Variants in SPATC1L observed in about 807,000 individuals in gnomAD.
The protein encoded by SPATC1L is speriolin-like protein.
SPATC1L carries 20 observed loss-of-function variants against 21.2 expected under a neutral mutation model. The ratio of observed to expected loss-of-function variants is 0.94; its 90% confidence interval spans 0.66 to 1.37. The LOEUF is 1.37. SPATC1L is among the 40% of genes most tolerant of loss of function. The pLI, the probability that SPATC1L is intolerant of heterozygous loss-of-function variation, is 0.00. For synonymous variants in SPATC1L, 290 were observed against 234.5 expected, an observed-to-expected ratio of 1.24 and a Z score of -2.16; for missense variants, 499 against 478.7, an observed-to-expected ratio of 1.04 and a Z score of -0.40.
Position 46,161,253 on chromosome 21 carries a change from G to A in SPATC1L, c.*126C>T, listed in dbSNP as rs889861121. 5.6e-6 allele frequency: 5 copies of A among 898,358 alleles called. No individual in the cohort carries two copies. The highest frequency in any genetic ancestry group is 3.5e-4 in the Middle Eastern group (1 of 2,884). 55.6% of individuals were successfully genotyped at this position (898,358 alleles called of 1,614,324 possible). On this transcript the variant is annotated 3_prime_UTR_variant, in exon 5 of 5. Transcript: ENST00000291672. ...GGGGCCCAGCACCGGTGGGAGCGGG[G>A]CCTTCTCTGGCCTCGCGCGCGGGGG... is the stretch of plus-strand genomic sequence containing the variant.
chr21:46,172,541 C>T (rs1484570242), intron 2 of SPATC1L, among the ~76,000 whole-genome samples: 1 of 152,230 alleles, frequency 6.6e-6, no homozygotes, highest in South Asian at 2.1e-4. Context: ...CAGATGGGAC[C>T]GTTGGTCCTT....
In SPATC1L at chr21:46,162,153, C is replaced by T. The variant is rs1303615070; in HGVS notation, c.545-86G>A. 16 of 1,369,354 alleles carry T rather than the reference C, an allele frequency of 1.2e-5. No individual in the cohort carries two copies. The East Asian group carries it at 1.5e-4, about 13-fold the overall frequency. The allele number at this position is 1,369,354 out of a possible 1,614,324, so 84.8% of individuals were successfully genotyped here. ...GTGCCCTCGGCCACGTGGGGGGCGG[C>T]TCCTCCACCCCCCTCCTCCCACCTG... On this transcript the variant is annotated intron_variant, in intron 3 of 4. Transcript: ENST00000291672.
intron 1 of SPATC1L, 74 bp from the exon 2 acceptor site, chr21:46,183,848 C>T (rs111518696): frequency 1.4e-3 from 25 of 17,242 alleles, no homozygotes; most frequent in Middle Eastern, 0.062. Flanking sequence ...GACCAGCCTG[C>T]GGGGGAGACC....
rs2123658798 is a variant in SPATC1L, at chr21:46,182,628, G to A, written c.189C>T (p.Ser63=). The A allele has an allele frequency of 4.0e-6, 6 of 1,504,644 alleles. No individual in the cohort carries two copies. Among genetic ancestry groups the A allele is most frequent in the Non-Finnish European group, 5.3e-6 (6 of 1,126,922 alleles). The allele number at this position is 1,504,644 out of a possible 1,614,324, so 93.2% of individuals were successfully genotyped here. ...HAYPEAGSPG[S]GVPDFGRFTS... ...CTGAGCTGGGCGGCGCCTCACCTCCGCTCCCGGGGGAGCCGGCCTCAGGGT... is the reference window on the plus strand; with the variant it reads ...CTGAGCTGGGCGGCGCCTCACCTCCACTCCCGGGGGAGCCGGCCTCAGGGT... Residue 63 remains serine, a synonymous_variant, in exon 2 of 5, where the codon AGC becomes AGT. Coordinates refer to ENST00000291672, the MANE Select transcript of SPATC1L (RefSeq NM_001142854.2).
At chr21:46,182,483 T>C in intron 2 of SPATC1L, 141 bp downstream of exon 2, 1 of 757,214 alleles carries the variant, frequency 1.3e-6, no homozygotes, top group East Asian at 3.1e-5. Flanking sequence ...CCACCTGGTC[T>C]TGCTTTACTC....
intron 2 of SPATC1L, among the ~76,000 whole-genome samples, chr21:46,181,883 G>C (rs1199528100): frequency 6.6e-6 from 1 of 152,190 alleles, no homozygotes; most frequent in Non-Finnish European, 1.5e-5. Context: ...GGGTACATCT[G>C]TCAGCCCCAC....
At position 46,168,368 on chromosome 21, in the gene SPATC1L, A is replaced by ACACC. The variant is rs1471896357; in HGVS notation, c.480_483dup (p.Cys162GlyfsTer22). The ACACC allele has an allele frequency of 6.2e-7, 1 of 1,606,394 alleles. No individual in the cohort carries two copies. The highest frequency in any genetic ancestry group is 8.5e-7 in the Non-Finnish European group (1 of 1,174,226). ...GTGGGCAGGCTGCTCTCCGAGAAAC[A>ACACC]CACCTTCTTAGGCCGGACCATCTCC... On this transcript the variant is annotated frameshift_variant, in exon 3 of 5. Transcript: ENST00000291672. LOFTEE classifies it high-confidence loss of function.
At chr21:46,162,105 G>C (rs779676592) in intron 3 of SPATC1L, 38 bp from the exon 4 acceptor site, 2 of 1,525,702 alleles carry the variant, frequency 1.3e-6, no homozygotes, top group Non-Finnish European at 8.8e-7. Context: ...TCAGGGGAGC[G>C]CGAGGATCCA....
chr21:46,166,504 A>G (rs901758199), intron 3 of SPATC1L, among the ~76,000 whole-genome samples: 1 of 152,090 alleles, frequency 6.6e-6, no homozygotes, highest in African/African-American at 2.4e-5. Context: ...TAAAAAAAAA[A>G]CAAGACCCAA....
chr21:46,176,074 C>G (rs773173833), intron 2 of SPATC1L, among the ~76,000 whole-genome samples: 1 of 151,916 alleles, frequency 6.6e-6, no homozygotes, highest in Non-Finnish European at 1.5e-5. Flanking sequence ...TTAATAGATG[C>G]AAAAAAAGCT....
chr21:46,163,186 T>C (rs1323842171), intron 3 of SPATC1L, among the ~76,000 whole-genome samples: 3 of 152,246 alleles, frequency 2.0e-5, no homozygotes, highest in Admixed American at 2.0e-4. Flanking sequence ...TTGTTTGTCT[T>C]CTTACTGTTG....
At chr21:46,171,972 GGCCAAAAATAATT>G (rs2079594345) in intron 2 of SPATC1L, among the ~76,000 whole-genome samples, 1 of 108,796 alleles carries the variant, frequency 9.2e-6, no homozygotes, top group Non-Finnish European at 2.0e-5. Context: ...ACCATGGCCA[GGCCAAAAATAATT>G]GCACAAAGTC....
chr21:46,173,581 G>A (rs546873207), intron 2 of SPATC1L, among the ~76,000 whole-genome samples: 85 of 152,110 alleles, frequency 5.6e-4, no homozygotes, highest in Non-Finnish European at 5.9e-5. Flanking sequence ...CCAGAACCCT[G>A]CCTTTGACCT....
rs751086468 is a variant in SPATC1L, at chr21:46,161,464, G to C, written c.938C>G (p.Pro313Arg). Residue 313 changes from proline (P) to arginine (R), a missense_variant, in exon 5 of 5, where the codon CCC becomes CGC. Physicochemically the swap from Pro to Arg is moderately radical, Grantham distance 103 (BLOSUM62 -2). Coordinates refer to ENST00000291672, the MANE Select transcript of SPATC1L (RefSeq NM_001142854.2). ...LRKLVIDVVP[P>R]KFLGDSLLLL... ...CAGCAGCGAGTCGCCCAGGAACTTG[G>C]GGGGCACCACGTCGATGACCAGCTT... The C allele has an allele frequency of 1.9e-6, 3 of 1,596,168 alleles. No individual in the cohort carries two copies. Among genetic ancestry groups the C allele is most frequent in the Non-Finnish European group, 2.6e-6 (3 of 1,169,262 alleles).
intron 3 of SPATC1L, among the ~76,000 whole-genome samples, chr21:46,162,605 TAGA>T (rs2079510498): frequency 6.6e-6 from 1 of 150,872 alleles, no homozygotes. Context: ...TTTTTTTTCT[TAGA>T]CAGAGTCTCA....
In SPATC1L at chr21:46,161,263, G is replaced by T; in HGVS notation, c.*116C>A. 1.9e-6 allele frequency: 2 copies of T among 1,044,472 alleles called. No homozygotes were observed. Among genetic ancestry groups the T allele is most frequent in the Non-Finnish European group, 2.6e-6 (2 of 765,752 alleles). 64.7% of individuals were successfully genotyped at this position (1,044,472 alleles called of 1,614,324 possible). On this transcript the variant is annotated 3_prime_UTR_variant, in exon 5 of 5. Transcript: ENST00000291672. ...ACCGGTGGGAGCGGGGCCTTCTCTG[G>T]CCTCGCGCGCGGGGGACGCGGCCCT...
At chr21:46,182,077 G>A (rs533650547) in intron 2 of SPATC1L, among the ~76,000 whole-genome samples, 1 of 152,322 alleles carries the variant, frequency 6.6e-6, no homozygotes, top group East Asian at 1.9e-4. Flanking sequence ...GCAGGGACAG[G>A]CGCCCACTTG....
chr21:46,182,414 C>T (rs1298557543), intron 2 of SPATC1L, among the ~76,000 whole-genome samples: 3 of 152,262 alleles, frequency 2.0e-5, no homozygotes, highest in South Asian at 2.1e-4. Flanking sequence ...ACCACTCCCA[C>T]TTCGCCAGCG....
Position 46,161,623 on chromosome 21 carries a change from C to A in SPATC1L, c.779G>T (p.Arg260Leu), listed in dbSNP as rs373386591. The change falls in exon 5 of 5, where the codon CGC (arginine) becomes CTC (leucine). Residue 260 changes from arginine (R) to leucine (L), a missense_variant. Transcript: ENST00000291672. ...GCGGCTGTAGCCCAGCTTCTCCAGG[C>A]GCGCGCTCAGGGCCAGGTAGCGCTG... Reference protein sequence around the residue: ...LTQRYLALSARLEKLGYSRDV... With the variant: ...LTQRYLALSALLEKLGYSRDV... 74 of 1,610,314 alleles carry A rather than the reference C, an allele frequency of 4.6e-5. No individual in the cohort carries two copies. In the African/African-American group the frequency reaches 9.2e-4, roughly 20 times the overall value.
Sources: gnomAD v4.1 joint callset for allele counts (sites outside exome capture counted in the v4.1 genomes callset) on GRCh38, gnomAD v4.1.1 for gene constraint, MANE v1.5 for transcripts, NCBI Gene and HGNC (gene_info 2026-07-23, HGNC 2026-07-21) for gene names.